The following PLGRKT variants were observed in gnomAD, a reference collection of about 807,000 sequenced individuals.
The protein encoded by PLGRKT is plasminogen receptor (KT).
Under a neutral mutation model 18.5 loss-of-function variants are expected in PLGRKT, and 22 were observed. That is an observed-to-expected ratio of 1.19 (90% CI 0.85 to 1.70). PLGRKT has a LOEUF of 1.70. Among genes scored for constraint, PLGRKT ranks in the 40% most tolerant of loss-of-function variants. The pLI is 0.00. For synonymous variants in PLGRKT, 72 were observed against 52.8 expected (o/e 1.36, Z -1.58); for missense variants, 235 against 174.4 (o/e 1.35, Z -1.96).
At chr9:5,381,328 A>G (rs910990169) in intron 3 of PLGRKT, among the ~76,000 whole-genome samples, 2 of 152,242 alleles carry the variant, frequency 1.3e-5, no homozygotes, top group South Asian at 4.1e-4. Flanking sequence ...TGCTCTGTGC[A>G]GCCTTGGGAC....
At chr9:5,424,610 A>G (rs1182291051) in intron 3 of PLGRKT, among the ~76,000 whole-genome samples, 1 of 131,380 alleles carries the variant, frequency 7.6e-6, no homozygotes, top group Non-Finnish European at 1.5e-5. Flanking sequence ...ATAATATATT[A>G]TTTATTATAT....
chr9:5,387,478 T>C (rs1026026699), intron 3 of PLGRKT, among the ~76,000 whole-genome samples: 1 of 151,900 alleles, frequency 6.6e-6, no homozygotes, highest in African/African-American at 2.4e-5. Context: ...AAATAATGTA[T>C]TACTTCTACA....
intron 2 of PLGRKT, among the ~76,000 whole-genome samples, chr9:5,433,082 GGAA>G (rs1818864368): frequency 7.1e-6 from 1 of 141,652 alleles, no homozygotes; most frequent in South Asian, 2.3e-4. Context: ...CCGTCTGGGA[GGAA>G]GTGAGGAGCG....
intron 2 of PLGRKT, among the ~76,000 whole-genome samples, chr9:5,433,249 GC>G (rs1818869749): frequency 6.7e-6 from 1 of 148,462 alleles, no homozygotes; most frequent in Non-Finnish European, 1.5e-5. Context: ...GATGTGAGGA[GC>G]CCCTCTGCCT....
intron 3 of PLGRKT, among the ~76,000 whole-genome samples, chr9:5,374,364 G>C (rs143809938): frequency 3.9e-4 from 60 of 152,302 alleles, no homozygotes; most frequent in African/African-American, 1.4e-3. Flanking sequence ...TCTCAAAAAT[G>C]ATCTGGTGTT....
At chr9:5,411,236 T>A (rs1419196541) in intron 3 of PLGRKT, among the ~76,000 whole-genome samples, 2 of 151,610 alleles carry the variant, frequency 1.3e-5, no homozygotes, top group African/African-American at 4.8e-5. Context: ...ATACAAAAAT[T>A]AGCCGGGCCA....
intron 3 of PLGRKT, among the ~76,000 whole-genome samples, chr9:5,363,447 C>T (rs1817312914): frequency 6.6e-6 from 1 of 151,958 alleles, no homozygotes; most frequent in Non-Finnish European, 1.5e-5. Flanking sequence ...AGGCCACCTG[C>T]TCTCAATCTT....
chr9:5,373,351 G>T (rs1264927656), intron 3 of PLGRKT, among the ~76,000 whole-genome samples: 1 of 152,122 alleles, frequency 6.6e-6, no homozygotes, highest in Non-Finnish European at 1.5e-5. Flanking sequence ...AGAACTAACT[G>T]GGAGAAACCA....
intron 2 of PLGRKT, among the ~76,000 whole-genome samples, chr9:5,432,937 G>A (rs1337850526): frequency 3.9e-5 from 6 of 152,040 alleles, no homozygotes; most frequent in African/African-American, 7.2e-5. Flanking sequence ...GAAGTGAGCA[G>A]CGTCTCTGCC....
intron 2 of PLGRKT, among the ~76,000 whole-genome samples, chr9:5,433,296 C>G (rs556859849): frequency 2.6e-5 from 4 of 151,390 alleles, no homozygotes; most frequent in African/African-American, 9.7e-5. Flanking sequence ...GTGTCTCTGC[C>G]TGACCGCCCG....
At chr9:5,399,679 T>A (rs1818118757) in intron 3 of PLGRKT, among the ~76,000 whole-genome samples, 1 of 151,754 alleles carries the variant, frequency 6.6e-6, no homozygotes, top group Non-Finnish European at 1.5e-5. Flanking sequence ...ACTAAAAATA[T>A]AAGCAAAATA....
chr9:5,368,870 T>A (rs974469254), intron 3 of PLGRKT, among the ~76,000 whole-genome samples: 2 of 152,172 alleles, frequency 1.3e-5, no homozygotes, highest in African/African-American at 4.8e-5. Context: ...GATTCCCTAT[T>A]CAATAAATGG....
chr9:5,395,792 A>G (rs1039472223), intron 3 of PLGRKT, among the ~76,000 whole-genome samples: 1 of 145,572 alleles, frequency 6.9e-6, no homozygotes, highest in Non-Finnish European at 1.5e-5. Flanking sequence ...TTTCCAAGGC[A>G]TTTTCATGGA....
At chr9:5,433,615 C>T (rs538713520) in intron 2 of PLGRKT, among the ~76,000 whole-genome samples, 4 of 141,118 alleles carry the variant, frequency 2.8e-5, no homozygotes, top group Non-Finnish European at 4.6e-5. Context: ...GAGCGCCCAT[C>T]GTCTGGGATG....
intron 3 of PLGRKT, among the ~76,000 whole-genome samples, chr9:5,386,668 C>G (rs1817850009): frequency 6.6e-6 from 1 of 151,916 alleles, no homozygotes. Flanking sequence ...CAGCCTTCAT[C>G]TTTTCCTTCT....
chr9:5,374,324 T>A (rs956899053), intron 3 of PLGRKT, among the ~76,000 whole-genome samples: 2 of 152,224 alleles, frequency 1.3e-5, no homozygotes. Flanking sequence ...CCCCCTCTAA[T>A]CTACTTTTTA....
chr9:5,427,636 T>A (rs1052373502), intron 3 of PLGRKT, among the ~76,000 whole-genome samples: 1 of 152,216 alleles, frequency 6.6e-6, no homozygotes, highest in Non-Finnish European at 1.5e-5. Flanking sequence ...TTCAGTACAA[T>A]CCATGGTTTC....
At chr9:5,407,953 T>C (rs1325940294) in intron 3 of PLGRKT, among the ~76,000 whole-genome samples, 1 of 152,168 alleles carries the variant, frequency 6.6e-6, no homozygotes, top group Non-Finnish European at 1.5e-5. Context: ...ACTACAAAGG[T>C]TTAGTGTTTC....
chr9:5,369,150 T>C (rs976351222), intron 3 of PLGRKT, among the ~76,000 whole-genome samples: 4 of 152,192 alleles, frequency 2.6e-5, no homozygotes, highest in African/African-American at 9.7e-5. Flanking sequence ...CAAAAGAAAC[T>C]ATCATCAGAG....
Sources: allele counts gnomAD v4.1 joint callset (sites outside exome capture counted in the v4.1 genomes callset), GRCh38; gene constraint gnomAD v4.1.1; transcripts MANE v1.5; gene names NCBI Gene and HGNC (gene_info 2026-07-23, HGNC 2026-07-21).